RBM47: variants seen among roughly 807,000 people sequenced by gnomAD.
The protein encoded by RBM47 is RNA-binding protein 47.
In RBM47, 21 loss-of-function variants were observed where a neutral mutation model predicts 47.1. The ratio of observed to expected loss-of-function variants is 0.45; its 90% CI spans 0.32 to 0.64. RBM47 has a LOEUF of 0.64. Among genes scored for constraint, RBM47 ranks in the 30% least tolerant of loss-of-function variants. The pLI, the probability that RBM47 is intolerant of heterozygous loss-of-function variation, is 0.05. For synonymous variants in RBM47, 375 were observed against 361.7 expected (o/e 1.04, Z -0.42); for missense variants, 708 against 870.9 (o/e 0.81, Z 2.35).
intron 2 of RBM47, among the ~76,000 whole-genome samples, chr4:40,494,233 C>A (rs1722277301): frequency 6.6e-6 from 1 of 152,172 alleles, no homozygotes; most frequent in East Asian, 1.9e-4. Context: ...TTATCCCCCA[C>A]CTCCCCAGTC....
intron 1 of RBM47, among the ~76,000 whole-genome samples, chr4:40,619,155 G>A (rs1038013713): frequency 1.6e-4 from 24 of 152,148 alleles, no homozygotes; most frequent in African/African-American, 5.3e-4. Context: ...CTGGACAGGC[G>A]CAGTGGCTCA....
chr4:40,509,882 C>CAAA (rs35409771), intron 2 of RBM47, among the ~76,000 whole-genome samples: 2 of 126,556 alleles, frequency 1.6e-5, no homozygotes, highest in Admixed American at 1.7e-4. Flanking sequence ...GACTCCGTCT[C>CAAA]AAAAAAAAAA....
chr4:40,509,224 T>C (rs912520533), intron 2 of RBM47, among the ~76,000 whole-genome samples: 1 of 151,964 alleles, frequency 6.6e-6, no homozygotes, highest in Non-Finnish European at 1.5e-5. Context: ...AGTTATTTGA[T>C]TTAATATTTT....
At chr4:40,489,581 G>A (rs578021352) in intron 2 of RBM47, among the ~76,000 whole-genome samples, 4 of 152,156 alleles carry the variant, frequency 2.6e-5, no homozygotes, top group Non-Finnish European at 5.9e-5. Context: ...ACATGTAGAG[G>A]AGAAATTCCT....
chr4:40,446,413 A>G (rs1714530304), intron 3 of RBM47, among the ~76,000 whole-genome samples: 1 of 152,154 alleles, frequency 6.6e-6, no homozygotes, highest in Non-Finnish European at 1.5e-5. Flanking sequence ...AGAACCTAGC[A>G]CTAAGTGATC....
At chr4:40,567,498 A>T (rs1400003746) in intron 1 of RBM47, among the ~76,000 whole-genome samples, 1 of 152,024 alleles carries the variant, frequency 6.6e-6, no homozygotes, top group Admixed American at 6.6e-5. Context: ...CCATGACTTC[A>T]AGCCAGTTTA....
At chr4:40,522,884 A>C (rs1726331673) in intron 2 of RBM47, among the ~76,000 whole-genome samples, 1 of 152,016 alleles carries the variant, frequency 6.6e-6, no homozygotes, top group East Asian at 1.9e-4. Context: ...TATTTTTCTT[A>C]ATTTTAATTT....
At chr4:40,608,928 G>C (rs1560503316) in intron 1 of RBM47, among the ~76,000 whole-genome samples, 1 of 152,160 alleles carries the variant, frequency 6.6e-6, no homozygotes, top group Non-Finnish European at 1.5e-5. Flanking sequence ...GGAAAAACGA[G>C]ATGACACGAA....
intron 2 of RBM47, among the ~76,000 whole-genome samples, chr4:40,526,917 G>T (rs147798826): frequency 6.6e-6 from 1 of 150,898 alleles, no homozygotes; most frequent in Non-Finnish European, 1.5e-5. Context: ...AATGGAAAAG[G>T]GCTGGCAGCA....
chr4:40,447,414 T>C (rs1379212971), intron 3 of RBM47, among the ~76,000 whole-genome samples: 1 of 152,234 alleles, frequency 6.6e-6, no homozygotes, highest in Admixed American at 6.5e-5. Flanking sequence ...CATCAAGGAT[T>C]TGAATTCTCT....
At chr4:40,462,998 A>G (rs1160550583) in intron 3 of RBM47, among the ~76,000 whole-genome samples, 1 of 152,246 alleles carries the variant, frequency 6.6e-6, no homozygotes, top group African/African-American at 2.4e-5. Context: ...CACTGTCAAG[A>G]GAGTGAAAAG....
intron 2 of RBM47, among the ~76,000 whole-genome samples, chr4:40,467,181 G>A (rs1718178962): frequency 6.6e-6 from 1 of 152,064 alleles, no homozygotes; most frequent in African/African-American, 2.4e-5. Flanking sequence ...CTTCCTGCAG[G>A]GTCCAGAGAG....
chr4:40,572,098 A>AC (rs141760967), intron 1 of RBM47, among the ~76,000 whole-genome samples: 19,416 of 150,478 alleles, frequency 0.13, 1,616 homozygotes, highest in Admixed American at 0.19. Flanking sequence ...AAAAAAAAAA[A>AC]AAAACCCACC....
At chr4:40,535,371 C>CT (rs1177127352) in intron 2 of RBM47, among the ~76,000 whole-genome samples, 1,860 of 103,384 alleles carry the variant, frequency 0.018, 178 homozygotes, top group African/African-American at 0.05. Flanking sequence ...TATGGTATTT[C>CT]TTTTTTTTTT....
At chr4:40,508,276 C>T (rs192995428) in intron 2 of RBM47, among the ~76,000 whole-genome samples, 2 of 152,276 alleles carry the variant, frequency 1.3e-5, no homozygotes, top group Non-Finnish European at 2.9e-5. Context: ...CAGCAGTCAC[C>T]TTCTAGGGTA....
intron 3 of RBM47, among the ~76,000 whole-genome samples, chr4:40,442,921 G>A (rs1212703649): frequency 2.6e-5 from 4 of 152,198 alleles, no homozygotes; most frequent in South Asian, 4.2e-4. Context: ...TGCTCTGCCC[G>A]CCTCGGTCTC....
At chr4:40,531,767 TAC>T (rs1379229561) in intron 2 of RBM47, among the ~76,000 whole-genome samples, 2 of 152,206 alleles carry the variant, frequency 1.3e-5, no homozygotes, top group Non-Finnish European at 2.9e-5. Flanking sequence ...TGTGGTTTCT[TAC>T]AGTTTTTTTC....
Position 40,438,146 on chromosome 4 carries a change from C to G in RBM47, c.748G>C (p.Val250Leu). Reference sequence around the variant, plus strand: ...GTGGTCTCGATCATGAGGTTGCGCACGTAGAGGATCTTCACGGTCTCCATC... The same window carrying G: ...GTGGTCTCGATCATGAGGTTGCGCAGGTAGAGGATCTTCACGGTCTCCATC... ...DVMETVKILY[V>L]RNLMIETTED... is the part of the protein sequence containing the mutation. The change falls in exon 4 of 7, where the codon GTG becomes CTG. Residue 250 changes from valine to leucine, a missense_variant. Coordinates refer to ENST00000295971, the MANE Select transcript of RBM47 (RefSeq NM_001098634.2). 6.2e-7 allele frequency: 1 copy of G among 1,612,590 alleles called. No homozygotes were observed. The highest frequency in any genetic ancestry group is 1.3e-5 in the African/African-American group (1 of 75,038).
chr4:40,509,152 T>G (rs1375273923), intron 2 of RBM47, among the ~76,000 whole-genome samples: 1 of 141,210 alleles, frequency 7.1e-6, no homozygotes, highest in African/African-American at 2.9e-5. Flanking sequence ...AGAGTGAGCC[T>G]CCATCTCAAA....
Sources: gnomAD v4.1 joint callset for allele counts (sites outside exome capture counted in the v4.1 genomes callset) on GRCh38, gnomAD v4.1.1 for gene constraint, MANE v1.5 for transcripts, NCBI Gene and HGNC (gene_info 2026-07-23, HGNC 2026-07-21) for gene names.